CADM2: variants seen among roughly 807,000 people sequenced by gnomAD.
The protein encoded by CADM2 is immunoglobulin superfamily member 4D.
A neutral mutation model predicts 49.8 loss-of-function variants in CADM2; 12 were observed. The ratio of observed to expected loss-of-function variants is 0.24; its 90% CI spans 0.15 to 0.39. The LOEUF is 0.39. CADM2 is among the 10% of genes least tolerant of loss of function. CADM2 has a pLI of 1.00. For synonymous variants in CADM2, 214 were observed against 175.4 expected, an observed-to-expected ratio of 1.22 and a Z score of -1.74; for missense variants, 378 against 492.3, an observed-to-expected ratio of 0.77 and a Z score of 2.20.
chr3:86,063,370 T>C (rs1040057306), intron 8 of CADM2, among the ~76,000 whole-genome samples: 1 of 152,198 alleles, frequency 6.6e-6, no homozygotes, highest in Non-Finnish European at 1.5e-5. Context: ...TAATCAGGGA[T>C]CTGTAGCAAT....
At chr3:85,921,451 T>C (rs1719103081) in intron 6 of CADM2, among the ~76,000 whole-genome samples, 1 of 152,038 alleles carries the variant, frequency 6.6e-6, no homozygotes, top group Non-Finnish European at 1.5e-5. Context: ...TATTGCTATT[T>C]ACCATCAGGT....
rs2033662843 is a variant in CADM2 at position 85,005,192 on chromosome 3, A to G, written c.61+45524A>G. Among the ~76,000 whole-genome samples, 8 of 152,176 alleles carry G rather than the reference A, an allele frequency of 5.3e-5. No homozygotes were observed. In the South Asian group the frequency reaches 1.7e-3, roughly 31 times the overall value. Reference sequence around the variant, plus strand: ...AAACTTTTCCTTAAGGGGTCACTTCATAAATATTTCAGGCATTCTAGCCTT... The same window carrying G: ...AAACTTTTCCTTAAGGGGTCACTTCGTAAATATTTCAGGCATTCTAGCCTT... On this transcript the variant is annotated intron_variant, in intron 1 of 9. Coordinates refer to ENST00000383699, the MANE Select transcript of CADM2 (RefSeq NM_001167675.2).
At chr3:85,707,937 T>C (rs2067001101) in intron 1 of CADM2, among the ~76,000 whole-genome samples, 1 of 152,184 alleles carries the variant, frequency 6.6e-6, no homozygotes, top group Non-Finnish European at 1.5e-5. Flanking sequence ...TTTGGAGAGC[T>C]TATCTATTTT....
At chr3:85,616,804 C>T (rs1245610964) in intron 1 of CADM2, among the ~76,000 whole-genome samples, 2 of 152,062 alleles carry the variant, frequency 1.3e-5, no homozygotes, top group Non-Finnish European at 2.9e-5. Context: ...GGAGTCTTGA[C>T]TATGCCATTG....
chr3:84,970,835 C>T (rs779602945), intron 1 of CADM2, among the ~76,000 whole-genome samples: 9 of 151,900 alleles, frequency 5.9e-5, no homozygotes, highest in Non-Finnish European at 1.0e-4. Flanking sequence ...TCTGTTTGGC[C>T]CCTGCTCATC....
intron 1 of CADM2, among the ~76,000 whole-genome samples, chr3:85,236,392 G>A (rs750453441): frequency 1.3e-5 from 2 of 152,014 alleles, no homozygotes; most frequent in African/African-American, 4.8e-5. Flanking sequence ...CAAAATGAGA[G>A]TAATAATTGA....
chr3:85,891,614 A>T (rs1225624490), intron 5 of CADM2, among the ~76,000 whole-genome samples: 1 of 152,204 alleles, frequency 6.6e-6, no homozygotes, highest in Admixed American at 6.5e-5. Flanking sequence ...GAAGGGGTAG[A>T]GTCAGAGAGA....
chr3:86,039,963 A>T (rs1454879097), intron 8 of CADM2, among the ~76,000 whole-genome samples: 1 of 152,170 alleles, frequency 6.6e-6, no homozygotes, highest in Non-Finnish European at 1.5e-5. Flanking sequence ...GCTGATACCC[A>T]GGCAAACAGG....
intron 1 of CADM2, among the ~76,000 whole-genome samples, chr3:85,559,807 A>C (rs1459828022): frequency 6.6e-6 from 1 of 152,128 alleles, no homozygotes; most frequent in Non-Finnish European, 1.5e-5. Context: ...TGGAAGGTGA[A>C]GAGAAGGAAA....
At chr3:85,578,601 T>G (rs2062710041) in intron 1 of CADM2, among the ~76,000 whole-genome samples, 1 of 152,254 alleles carries the variant, frequency 6.6e-6, no homozygotes, top group Non-Finnish European at 1.5e-5. Context: ...TTTCTCTAGC[T>G]ATTCTTCATG....
At chr3:85,954,029 T>G (rs2108594560) in intron 7 of CADM2, among the ~76,000 whole-genome samples, 1 of 150,988 alleles carries the variant, frequency 6.6e-6, no homozygotes, top group Non-Finnish European at 1.5e-5. Flanking sequence ...TATTTTAAAA[T>G]GAGCCTAAAT....
chr3:85,004,067 C>G (rs1170709982), intron 1 of CADM2, among the ~76,000 whole-genome samples: 1 of 152,058 alleles, frequency 6.6e-6, no homozygotes, highest in African/African-American at 2.4e-5. Context: ...AGTTTTTCTT[C>G]CACAAAATTG....
At chr3:85,556,477 T>C (rs1417081178) in intron 1 of CADM2, among the ~76,000 whole-genome samples, 1 of 152,150 alleles carries the variant, frequency 6.6e-6, no homozygotes, top group African/African-American at 2.4e-5. Context: ...AATCTTCAAA[T>C]GTTCATAGTT....
At chr3:86,061,854 C>T (rs942640285) in intron 8 of CADM2, among the ~76,000 whole-genome samples, 2 of 151,960 alleles carry the variant, frequency 1.3e-5, no homozygotes, top group South Asian at 2.1e-4. Flanking sequence ...TTATGTTAAC[C>T]TGTAATTTCA....
intron 8 of CADM2, among the ~76,000 whole-genome samples, chr3:86,043,662 T>A (rs1414394130): frequency 6.6e-6 from 1 of 152,108 alleles, no homozygotes; most frequent in Non-Finnish European, 1.5e-5. Context: ...TTCAATGCCA[T>A]CTCCACCAAG....
At chr3:85,711,708 G>A (rs529380837) in intron 1 of CADM2, among the ~76,000 whole-genome samples, 8 of 152,114 alleles carry the variant, frequency 5.3e-5, no homozygotes, top group South Asian at 4.2e-4. Context: ...GGCTATTATA[G>A]ATATTCAACC....
At position 85,265,345 on chromosome 3, in the gene CADM2, C is replaced by T. The variant is rs534843561; in HGVS notation, c.61+305677C>T. On this transcript the variant is annotated intron_variant, in intron 1 of 9. Transcript: ENST00000383699. ...TTTATGCTGCTATAACAGAATACCA[C>T]AAAGAGTAATTTATAAAAGATTAAA... Among the ~76,000 whole-genome samples, 12 of 148,972 alleles carry T rather than the reference C, an allele frequency of 8.1e-5. No homozygotes were observed. The South Asian group carries it at 8.3e-4, about 10-fold the overall frequency.
intron 1 of CADM2, among the ~76,000 whole-genome samples, chr3:85,465,031 C>T (rs1244584042): frequency 6.6e-6 from 1 of 152,132 alleles, no homozygotes; most frequent in East Asian, 1.9e-4. Context: ...CGCCTATAGT[C>T]CCAGCAACTC....
intron 1 of CADM2, among the ~76,000 whole-genome samples, chr3:85,186,861 G>C (rs2041077818): frequency 6.6e-6 from 1 of 152,136 alleles, no homozygotes; most frequent in African/African-American, 2.4e-5. Context: ...GGTAATTTCT[G>C]TAAGGGTATA....
Sources: gnomAD v4.1 joint callset for allele counts (sites outside exome capture counted in the v4.1 genomes callset) on GRCh38, gnomAD v4.1.1 for gene constraint, MANE v1.5 for transcripts, NCBI Gene and HGNC (gene_info 2026-07-23, HGNC 2026-07-21) for gene names.